LSMEM2: variants seen among roughly 807,000 people sequenced by gnomAD.
LSMEM2 encodes leucine-rich single-pass membrane protein 2.
LSMEM2 carries 20 observed loss-of-function variants against 17.3 expected under a neutral mutation model. That is an observed-to-expected ratio of 1.16 (90% CI 0.81 to 1.68). The LOEUF is 1.68. Among genes scored for constraint, LSMEM2 ranks in the 40% most tolerant of loss-of-function variants. The pLI is 0.00. For missense variants in LSMEM2, 207 were observed against 214.3 expected (o/e 0.97, Z 0.21); for synonymous variants, 94 against 97.8 (o/e 0.96, Z 0.23).
chr3:50,284,198 T>C (rs1701466193), intron 1 of LSMEM2, among the ~76,000 whole-genome samples: 1 of 116,600 alleles, frequency 8.6e-6, no homozygotes, highest in African/African-American at 3.3e-5. Context: ...ACAGCAAGAC[T>C]GTCTCAAAAA....
At chr3:50,284,666 G>A (rs1259554041) in intron 1 of LSMEM2, among the ~76,000 whole-genome samples, 1 of 152,218 alleles carries the variant, frequency 6.6e-6, no homozygotes, top group East Asian at 1.9e-4. Flanking sequence ...CCAGGAGGTG[G>A]AGGCTGCGGT....
intron 1 of LSMEM2, among the ~76,000 whole-genome samples, chr3:50,279,944 C>T (rs1436286208): frequency 1.3e-5 from 2 of 151,524 alleles, no homozygotes; most frequent in Non-Finnish European, 2.9e-5. Flanking sequence ...GGCGTGATCT[C>T]GGCTCACTGC....
rs587769415 is a variant in LSMEM2 at position 50,287,240 on chromosome 3, G to A, written c.*38G>A. 2.5e-6 allele frequency: 4 copies of A among 1,609,474 alleles called. No homozygotes were observed. Among genetic ancestry groups the A allele is most frequent in the Non-Finnish European group, 3.4e-6 (4 of 1,177,824 alleles). ...ATCTGGGGCCTGGGGGTGTGTGTTG[G>A]TGGGGGAATAAAGTGGCTATGGGCA... is the stretch of plus-strand genomic sequence containing the variant. On this transcript the variant is annotated 3_prime_UTR_variant, in exon 4 of 4. Transcript: ENST00000316436.
intron 3 of LSMEM2, 93 bp from the exon 4 acceptor site, chr3:50,286,976 C>CG: frequency 6.3e-7 from 1 of 1,586,290 alleles, no homozygotes; most frequent in Admixed American, 1.7e-5. Flanking sequence ...AAGGATGGGG[C>CG]GGGAGGCCCG....
Position 50,286,703 on chromosome 3 carries a change from G to A in LSMEM2, c.202G>A (p.Glu68Lys). The change falls in exon 3 of 4, where the codon GAG becomes AAG. Residue 68 changes from glutamate to lysine, a missense_variant. By Grantham distance (56) the Glu-to-Lys change is moderately conservative. Coordinates refer to ENST00000316436, the MANE Select transcript of LSMEM2 (RefSeq NM_153215.3). ...AGTLRPYLTE[E>K]ARPWDELLGV... is the part of the protein sequence containing the mutation. ...CACACTGCGCCCCTATCTAACTGAA[G>A]AGGCACGACCGTGGGATGAGCTGCT... is the stretch of plus-strand genomic sequence containing the variant. The A allele has an allele frequency of 6.2e-7, 1 of 1,614,162 alleles. No homozygotes were observed. Among genetic ancestry groups the A allele is most frequent in the Non-Finnish European group, 8.5e-7 (1 of 1,180,024 alleles).
rs782769392 is a variant in LSMEM2, at chr3:50,279,111, T to C, written c.-3T>C. On this transcript the variant is annotated 5_prime_UTR_variant, in exon 1 of 4. Coordinates refer to ENST00000316436, the MANE Select transcript of LSMEM2 (RefSeq NM_153215.3). The stretch of plus-strand genomic sequence containing the variant: ...TGCTGCATTTGTCCAGTCCTGCTAC[T>C]GGATGCCATCATTGGCCCCCGACTG... 3.7e-6 allele frequency: 6 copies of C among 1,614,170 alleles called. No individual in the cohort carries two copies. In the East Asian group the frequency reaches 1.3e-4, roughly 36 times the overall value.
At position 50,287,694 on chromosome 3, in the gene LSMEM2, T is replaced by C. The variant is rs1262371826; in HGVS notation, c.*492T>C. 8 of 211,958 alleles carry C rather than the reference T, an allele frequency of 3.8e-5. No individual in the cohort carries two copies. The highest frequency in any genetic ancestry group is 1.0e-4 in the Admixed American group (2 of 19,222). 13.1% of individuals were successfully genotyped at this position (211,958 alleles called of 1,614,324 possible). ...AGACCAGTTGGGCCCAAGCCTGGGA[T>C]AGTAGATGGGGAGGGAGAACAGAAA... On this transcript the variant is annotated 3_prime_UTR_variant, in exon 4 of 4. Coordinates refer to ENST00000316436, the MANE Select transcript of LSMEM2 (RefSeq NM_153215.3).
intron 1 of LSMEM2, among the ~76,000 whole-genome samples, chr3:50,283,230 GC>G (rs782538255): frequency 3.3e-5 from 5 of 151,984 alleles, no homozygotes; most frequent in Non-Finnish European, 5.9e-5. Context: ...GATGGCTCAC[GC>G]CTATAATCCC....
rs1262371826 is a variant in LSMEM2 at position 50,287,694 on chromosome 3, T to A, written c.*492T>A. The A allele has an allele frequency of 4.7e-6, 1 of 212,076 alleles. No homozygotes were observed. Among genetic ancestry groups the A allele is most frequent in the South Asian group, 8.5e-5 (1 of 11,764 alleles). 13.1% of individuals were successfully genotyped at this position (212,076 alleles called of 1,614,324 possible). ...AGACCAGTTGGGCCCAAGCCTGGGA[T>A]AGTAGATGGGGAGGGAGAACAGAAA... On this transcript the variant is annotated 3_prime_UTR_variant, in exon 4 of 4. Transcript: ENST00000316436.
chr3:50,279,790 G>C (rs139942483), intron 1 of LSMEM2, among the ~76,000 whole-genome samples: 19 of 152,274 alleles, frequency 1.2e-4, no homozygotes, highest in Admixed American at 2.0e-4. Flanking sequence ...TACTGGCCAG[G>C]ACGTAGGACT....
intron 3 of LSMEM2, 96 bp downstream of exon 3, chr3:50,286,958 C>T (rs782225733): frequency 4.9e-5 from 77 of 1,584,650 alleles, no homozygotes; most frequent in Non-Finnish European, 6.5e-5. Context: ...GCAGATGCTG[C>T]AGCAGTGAAG....
At chr3:50,286,336 A>C in intron 1 of LSMEM2, 135 bp from the exon 2 acceptor site, 1 of 1,302,476 alleles carries the variant, frequency 7.7e-7, no homozygotes, top group Non-Finnish European at 1.0e-6. Context: ...GTAATTCCTG[A>C]GTCAGTTTTA....
At chr3:50,284,997 C>G (rs1553708205) in intron 1 of LSMEM2, among the ~76,000 whole-genome samples, 2 of 151,698 alleles carry the variant, frequency 1.3e-5, no homozygotes, top group Non-Finnish European at 1.5e-5. Context: ...GATTGCGCCA[C>G]TGCACTCCAG....
intron 1 of LSMEM2, among the ~76,000 whole-genome samples, chr3:50,283,292 G>A (rs1397966673): frequency 6.6e-6 from 1 of 152,104 alleles, no homozygotes; most frequent in Non-Finnish European, 1.5e-5. Flanking sequence ...AGGAGTTCAA[G>A]ACCAGCCTGG....
rs1701363272 is a variant in LSMEM2 at position 50,280,313 on chromosome 3, C to T, written c.58+1142C>T. Among the ~76,000 whole-genome samples, 4 of 151,514 alleles carry T rather than the reference C, an allele frequency of 2.6e-5. No individual in the cohort carries two copies. The South Asian group carries it at 6.2e-4, about 24-fold the overall frequency. ...GGGATTACAGGCATGTGCTACCATG[C>T]CCGGCTAATTTTTGTATTTTTAGTA... On this transcript the variant is annotated intron_variant, in intron 1 of 3. Coordinates refer to ENST00000316436, the MANE Select transcript of LSMEM2 (RefSeq NM_153215.3).
At chr3:50,278,850 A>G (rs1031303382), upstream of LSMEM2, among the ~76,000 whole-genome samples, 1 of 152,080 alleles carries the variant, frequency 6.6e-6, no homozygotes, top group African/African-American at 2.4e-5. Flanking sequence ...TTCTGGATGT[A>G]TGGGGGAGGT....
chr3:50,281,776 T>C (rs1701405637), intron 1 of LSMEM2, among the ~76,000 whole-genome samples: 1 of 148,248 alleles, frequency 6.7e-6, no homozygotes, highest in African/African-American at 2.5e-5. Flanking sequence ...CTTCCTGGAC[T>C]CAAGCAACCC....
At chr3:50,284,903 G>C (rs1701480292) in intron 1 of LSMEM2, among the ~76,000 whole-genome samples, 1 of 152,030 alleles carries the variant, frequency 6.6e-6, no homozygotes, top group South Asian at 2.1e-4. Flanking sequence ...GGGCGTGGTG[G>C]CACACATCTG....
chr3:50,284,700 T>C (rs902393932), intron 1 of LSMEM2, among the ~76,000 whole-genome samples: 6 of 151,864 alleles, frequency 4.0e-5, no homozygotes, highest in African/African-American at 1.5e-4. Flanking sequence ...TCCACTGAAC[T>C]CCAGCCTGGG....
Sources: allele counts gnomAD v4.1 joint callset (sites outside exome capture counted in the v4.1 genomes callset), GRCh38; gene constraint gnomAD v4.1.1; transcripts MANE v1.5; gene names NCBI Gene and HGNC (gene_info 2026-07-23, HGNC 2026-07-21).